Variants in MSI1 observed in about 807,000 individuals in gnomAD.
MSI1 encodes musashi RNA binding protein 1, also known as RNA-binding protein Musashi homolog 1.
A neutral mutation model predicts 54.4 loss-of-function variants in MSI1; 15 were observed. The ratio of observed to expected loss-of-function variants is 0.28; its 90% confidence interval spans 0.18 to 0.42. MSI1 has a LOEUF of 0.42. MSI1 is among the 20% of genes least tolerant of loss of function. MSI1 has a pLI of 1.00. For synonymous variants in MSI1, 200 were observed against 196.5 expected (o/e 1.02, Z -0.15); for missense variants, 304 against 506.0 (o/e 0.60, Z 3.83).
chr12:120,368,457 G>A lies in MSI1; in HGVS notation c.101-184C>T, dbSNP rs968317440. 2.1e-4 allele frequency among the ~76,000 whole-genome samples: 32 copies of A among 151,944 alleles called. No individual in the cohort carries two copies. Among genetic ancestry groups the A allele is most frequent in the Non-Finnish European group, 4.0e-4 (27 of 67,952 alleles). On this transcript the variant is annotated intron_variant, in intron 2 of 14. Coordinates refer to ENST00000257552, the MANE Select transcript of MSI1 (RefSeq NM_002442.4). The surrounding 1 kb of genome is among the most constrained non-coding windows in gnomAD (Gnocchi z 6.6). ...CCCGCTGAGCCTCCTGGCGCCCACC[G>A]GGGCCCCGGGAAGCCGAGGGCCGAG...
rs549814824 is a variant in MSI1 at position 120,347,601 on chromosome 12, C to A, written c.791-87G>T. 8 of 1,518,274 alleles carry A rather than the reference C, an allele frequency of 5.3e-6. No individual in the cohort carries two copies. The East Asian group carries it at 1.6e-4, about 30-fold the overall frequency. The allele number at this position is 1,518,274 out of a possible 1,614,324, so 94.1% of individuals were successfully genotyped here. On this transcript the variant is annotated intron_variant, in intron 11 of 14. Coordinates refer to ENST00000257552, the MANE Select transcript of MSI1 (RefSeq NM_002442.4). ...CCCCTACCTTTTAGGCAGAGCCTGT[C>A]CAGCCTGGCCCTACCTCAGAGGGTT...
chr12:120,365,749 G>A (rs935180112), intron 4 of MSI1, among the ~76,000 whole-genome samples: 3 of 152,166 alleles, frequency 2.0e-5, no homozygotes, highest in Non-Finnish European at 2.9e-5. Flanking sequence ...CTTCGGTGAC[G>A]TGAAAGGGCA....
chr12:120,340,886 CT>C (rs34926125), downstream of MSI1, among the ~76,000 whole-genome samples: 2,880 of 119,386 alleles, frequency 0.024, 46 homozygotes, highest in African/African-American at 0.066. Flanking sequence ...TTCTCCTATT[CT>C]TTTTTTTTTT....
intron 9 of MSI1, among the ~76,000 whole-genome samples, chr12:120,353,965 C>T (rs970001534): frequency 6.6e-6 from 1 of 152,136 alleles, no homozygotes; most frequent in African/African-American, 2.4e-5. Flanking sequence ...ATTATCTGAA[C>T]TTATATAATG....
At chr12:120,346,731 A>C (rs1048885832) in intron 12 of MSI1, among the ~76,000 whole-genome samples, 8 of 152,248 alleles carry the variant, frequency 5.3e-5, no homozygotes, top group Admixed American at 5.2e-4. Context: ...TCCCTCAACC[A>C]GAAACACTTT....
intron 11 of MSI1, among the ~76,000 whole-genome samples, chr12:120,349,496 A>G (rs1874419735): frequency 6.6e-6 from 1 of 152,138 alleles, no homozygotes; most frequent in Non-Finnish European, 1.5e-5. Flanking sequence ...AGCCTCCCAA[A>G]GTGCTGGGAT....
chr12:120,341,177 T>C (rs1873655735), downstream of MSI1, among the ~76,000 whole-genome samples: 1 of 152,094 alleles, frequency 6.6e-6, no homozygotes, highest in South Asian at 2.1e-4. Flanking sequence ...TGAGCCACTG[T>C]GACTGACTGG....
intron 10 of MSI1, among the ~76,000 whole-genome samples, chr12:120,352,534 C>T (rs576130519): frequency 2.3e-5 from 3 of 131,992 alleles, no homozygotes; most frequent in Non-Finnish European, 5.1e-5. Context: ...GTCCTCATCT[C>T]TAAAATGAGG....
At chr12:120,360,182 A>C (rs1484276957) in intron 6 of MSI1, among the ~76,000 whole-genome samples, 1 of 151,932 alleles carries the variant, frequency 6.6e-6, no homozygotes, top group Non-Finnish European at 1.5e-5. Context: ...ATGGGGTTTC[A>C]CCATGTTGGC....
At chr12:120,340,719 G>T (rs952342650), downstream of MSI1, among the ~76,000 whole-genome samples, 41 of 151,376 alleles carry the variant, frequency 2.7e-4, no homozygotes, top group African/African-American at 1.0e-3. Flanking sequence ...TCACTAAGTT[G>T]CCCAGGCTGG....
intron 4 of MSI1, among the ~76,000 whole-genome samples, chr12:120,366,149 G>A (rs1399337869): frequency 6.6e-6 from 1 of 152,206 alleles, no homozygotes; most frequent in Non-Finnish European, 1.5e-5. Context: ...CCACCCACAT[G>A]GGTGGACGTC....
chr12:120,356,800 G>T, intron 9 of MSI1, 102 bp downstream of exon 9: 2 of 1,010,668 alleles, frequency 2.0e-6, no homozygotes, highest in Middle Eastern at 2.5e-4. Context: ...ACTCAGACAG[G>T]AGGAGGGCAG....
rs374830084 is a variant in MSI1, at chr12:120,366,465, C to T, written c.267+1543G>A. On this transcript the variant is annotated intron_variant, in intron 4 of 14. Transcript: ENST00000257552. ...CCTCCACGGACATGTCCATCCTTCT[C>T]TTTCTCCCAGAAGCAGCCGCCCCAG... Among the ~76,000 whole-genome samples the T allele has an allele frequency of 2.2e-4, 33 of 152,246 alleles. No homozygotes were observed. The East Asian group carries it at 3.9e-3, about 18-fold the overall frequency.
In MSI1 at chr12:120,368,312, C is replaced by A; in HGVS notation, c.101-39G>T. The A allele has an allele frequency of 6.7e-7, 1 of 1,500,314 alleles. No individual in the cohort carries two copies. The highest frequency in any genetic ancestry group is 8.8e-7 in the Non-Finnish European group (1 of 1,130,806). 92.9% of individuals were successfully genotyped at this position (1,500,314 alleles called of 1,614,324 possible). On this transcript the variant is annotated intron_variant, in intron 2 of 14. Transcript: ENST00000257552. The surrounding 1 kb of genome is among the most constrained non-coding windows in gnomAD (Gnocchi z 6.6). ...CCCGCCTTCGGACCAGCCCGGGCCC[C>A]GCGCCCTTCCCCCCCCCCCGTCCTT...
chr12:120,339,681 T>C (rs1012172221), downstream of MSI1, among the ~76,000 whole-genome samples: 1 of 152,016 alleles, frequency 6.6e-6, no homozygotes, highest in Non-Finnish European at 1.5e-5. Context: ...AATTCCTGAG[T>C]GAAAGACCCC....
At chr12:120,344,000 G>A (rs1207927619) in intron 14 of MSI1, among the ~76,000 whole-genome samples, 1 of 152,134 alleles carries the variant, frequency 6.6e-6, no homozygotes. Context: ...GAGATTACAA[G>A]TGCGCACCAT....
At chr12:120,358,469 CAACTGGAGA>C (rs1875331830) in intron 7 of MSI1, among the ~76,000 whole-genome samples, 2 of 152,356 alleles carry the variant, frequency 1.3e-5, no homozygotes, top group South Asian at 4.1e-4. Context: ...AGTCCTGAAA[CAACTGGAGA>C]AACAACCCTG....
At chr12:120,346,004 G>C (rs1874085089) in intron 13 of MSI1, 131 bp downstream of exon 13, 1 of 840,360 alleles carries the variant, frequency 1.2e-6, no homozygotes, top group South Asian at 2.0e-5. Flanking sequence ...CTTCCTTAGT[G>C]ATCTTTCTCC....
At position 120,341,735 on chromosome 12, in the gene MSI1, T is replaced by C. The variant is rs939347477; in HGVS notation, c.*1392A>G. ...GCTTTGTGTTCTCAGGGCTGATAGG[T>C]TAAGCACCTCACACAGACAATTAAC... On this transcript the variant is annotated 3_prime_UTR_variant, in exon 15 of 15. Transcript: ENST00000257552. 5 of 151,350 alleles carry C rather than the reference T, an allele frequency of 3.3e-5. No homozygotes were observed. Among genetic ancestry groups the C allele is most frequent in the Non-Finnish European group, 7.4e-5 (5 of 67,886 alleles). The allele number at this position is 151,350 out of a possible 1,614,324, so 9.4% of individuals were successfully genotyped here. A position where few individuals can be genotyped will look rare whatever the true frequency, so the allele number is the denominator to read the frequency against.
Sources: gnomAD v4.1 joint callset for allele counts (sites outside exome capture counted in the v4.1 genomes callset) on GRCh38, gnomAD v4.1.1 for gene constraint, Gnocchi (gnomAD v3.1) non-coding constraint, MANE v1.5 for transcripts, NCBI Gene and HGNC (gene_info 2026-07-23, HGNC 2026-07-21) for gene names.